SBF2: variants seen among roughly 807,000 people sequenced by gnomAD.
The protein encoded by SBF2 is SET binding factor 2.
A neutral mutation model predicts 225.2 loss-of-function variants in SBF2; 112 were observed. The observed-to-expected ratio is 0.50, with a 90% CI of 0.43 to 0.58. The LOEUF (loss-of-function observed/expected upper bound fraction) is 0.58. Ranked by LOEUF, SBF2 falls within the 20% of genes least tolerant of loss-of-function variation. The pLI is 0.00. For synonymous variants in SBF2, 763 were observed against 773.3 expected (o/e 0.99, Z 0.22); for missense variants, 1,996 against 2,206.2 (o/e 0.90, Z 1.91).
chr11:10,090,903 A>G (rs896912689), intron 2 of SBF2, among the ~76,000 whole-genome samples: 6 of 152,026 alleles, frequency 3.9e-5, no homozygotes, highest in Admixed American at 6.6e-5. Flanking sequence ...TTCAATTTCC[A>G]GCTCCAGGGG....
intron 2 of SBF2, among the ~76,000 whole-genome samples, chr11:10,161,661 G>C (rs943072402): frequency 6.6e-6 from 1 of 152,210 alleles, no homozygotes; most frequent in Non-Finnish European, 1.5e-5. Flanking sequence ...CAGTAGGAGT[G>C]ATTGGTACAC....
intron 6 of SBF2, among the ~76,000 whole-genome samples, chr11:10,024,835 T>C (rs1478451909): frequency 6.6e-6 from 1 of 152,194 alleles, no homozygotes; most frequent in East Asian, 1.9e-4. Flanking sequence ...ATTTCTTGAC[T>C]AGAATCTGGA....
chr11:10,197,627 C>G (rs927047615), intron 1 of SBF2, among the ~76,000 whole-genome samples: 1 of 152,126 alleles, frequency 6.6e-6, no homozygotes, highest in African/African-American at 2.4e-5. Flanking sequence ...TTTGCCATAT[C>G]GATTGACACT....
At chr11:9,932,529 C>T (rs11493331) in intron 16 of SBF2, among the ~76,000 whole-genome samples, 1 of 152,100 alleles carries the variant, frequency 6.6e-6, no homozygotes, top group Non-Finnish European at 1.5e-5. Flanking sequence ...TCCAGCCAAA[C>T]TAAGCTTCAT....
chr11:10,294,909 G>GCTCT (rs1191804133), upstream of SBF2, among the ~76,000 whole-genome samples: 1 of 152,254 alleles, frequency 6.6e-6, no homozygotes, highest in Admixed American at 6.5e-5. Context: ...CGGTCCCAGG[G>GCTCT]CTCTCGCAGC....
At chr11:9,958,961 G>C in intron 16 of SBF2, 1 of 721,060 alleles carries the variant, frequency 1.4e-6, no homozygotes, top group Non-Finnish European at 2.5e-6. Flanking sequence ...ATGTGGATGT[G>C]GTACTGCTGT....
intron 1 of SBF2, among the ~76,000 whole-genome samples, chr11:10,273,474 G>C (rs1474918856): frequency 6.6e-6 from 1 of 152,136 alleles, no homozygotes; most frequent in Non-Finnish European, 1.5e-5. Flanking sequence ...TGCTTCTAAA[G>C]AACTTATTTT....
intron 1 of SBF2, among the ~76,000 whole-genome samples, chr11:10,292,365 C>T (rs1334698931): frequency 1.3e-5 from 2 of 152,114 alleles, no homozygotes; most frequent in African/African-American, 4.8e-5. Flanking sequence ...ATTCTTGCAA[C>T]TTTTTTGCAA....
At chr11:9,874,296 C>A (rs150601572) in intron 17 of SBF2, among the ~76,000 whole-genome samples, 1 of 152,054 alleles carries the variant, frequency 6.6e-6, no homozygotes, top group Non-Finnish European at 1.5e-5. Context: ...CTACTTCTTA[C>A]TAGATGAAGG....
Position 10,122,653 on chromosome 11 carries a change from C to A in SBF2, c.141+71249G>T, listed in dbSNP as rs1435405585. ...TCATAGGAGAATCATTTGACACTCA[C>A]TCAGTTATTAGATACTATTAGTTTA... is the stretch of plus-strand genomic sequence containing the variant. On this transcript the variant is annotated intron_variant, in intron 2 of 39. Transcript: ENST00000256190. Among the ~76,000 whole-genome samples the A allele has an allele frequency of 2.0e-5, 3 of 152,224 alleles. No individual in the cohort carries two copies. The East Asian group carries it at 5.8e-4, about 29-fold the overall frequency.
At chr11:10,258,654 T>C (rs982722084) in intron 1 of SBF2, among the ~76,000 whole-genome samples, 5 of 152,228 alleles carry the variant, frequency 3.3e-5, no homozygotes, top group African/African-American at 1.2e-4. Flanking sequence ...TAGGTGAAAA[T>C]GTCATGGCCA....
intron 16 of SBF2, among the ~76,000 whole-genome samples, chr11:9,926,606 A>G (rs1010684790): frequency 2.8e-4 from 43 of 152,208 alleles, no homozygotes; most frequent in African/African-American, 1.0e-3. Flanking sequence ...AGATCCACGC[A>G]AAGAGTATAA....
chr11:9,860,699 A>C (rs1564926147), intron 17 of SBF2, among the ~76,000 whole-genome samples: 2 of 152,180 alleles, frequency 1.3e-5, no homozygotes, highest in Non-Finnish European at 2.9e-5. Context: ...CTTTACCATG[A>C]GTATACTCAG....
At chr11:10,039,003 G>C (rs1428894221) in intron 3 of SBF2, among the ~76,000 whole-genome samples, 1 of 151,766 alleles carries the variant, frequency 6.6e-6, no homozygotes, top group East Asian at 1.9e-4. Context: ...ACCTAGTTGA[G>C]TAATTTTGGG....
intron 31 of SBF2, 106 bp from the exon 32 acceptor site, chr11:9,808,291 TG>T (rs1853967412): frequency 1.0e-6 from 1 of 985,200 alleles, no homozygotes; most frequent in Admixed American, 2.0e-5. Context: ...CAAATTTACC[TG>T]GACAGCAAAT....
intron 17 of SBF2, among the ~76,000 whole-genome samples, chr11:9,875,080 G>A (rs2134062787): frequency 6.6e-6 from 1 of 152,292 alleles, no homozygotes; most frequent in East Asian, 1.9e-4. Flanking sequence ...CCTCTAGAAT[G>A]AGAGACAAGC....
chr11:10,168,958 A>G (rs1956082534), intron 2 of SBF2, among the ~76,000 whole-genome samples: 1 of 152,352 alleles, frequency 6.6e-6, no homozygotes, highest in South Asian at 2.1e-4. Flanking sequence ...AAGTAAGTAC[A>G]TAATATTGTA....
intron 1 of SBF2, among the ~76,000 whole-genome samples, chr11:10,231,791 G>C (rs1013448509): frequency 2.6e-5 from 4 of 152,240 alleles, no homozygotes; most frequent in African/African-American, 4.8e-5. Context: ...CCAGTTCTCA[G>C]ATCTCAAGCT....
At chr11:9,891,839 T>C (rs756533391) in intron 17 of SBF2, among the ~76,000 whole-genome samples, 12 of 152,236 alleles carry the variant, frequency 7.9e-5, no homozygotes, top group Non-Finnish European at 7.3e-5. Context: ...AGACAGGCGA[T>C]GTTACAAGTG....
Sources: gnomAD v4.1 joint callset for allele counts (sites outside exome capture counted in the v4.1 genomes callset) on GRCh38, gnomAD v4.1.1 for gene constraint, MANE v1.5 for transcripts, NCBI Gene and HGNC (gene_info 2026-07-23, HGNC 2026-07-21) for gene names.